Variants in NLGN1 observed in about 807,000 individuals in gnomAD.
NLGN1 encodes the protein neuroligin 1, also known as neuroligin-1.
NLGN1 carries 12 observed loss-of-function variants against 65.5 expected under a neutral mutation model. That is an observed-to-expected ratio of 0.18 (90% confidence interval 0.12 to 0.30). The LOEUF is 0.30. Ranked by LOEUF, NLGN1 falls within the 10% of genes least tolerant of loss-of-function variation. The pLI, the probability that NLGN1 is intolerant of heterozygous loss-of-function variation, is 1.00. For synonymous variants in NLGN1, 350 were observed against 359.5 expected, an observed-to-expected ratio of 0.97 and a Z score of 0.30; for missense variants, 750 against 1,007.1, an observed-to-expected ratio of 0.74 and a Z score of 3.46.
At chr3:173,824,807 G>T (rs1721008383) in intron 4 of NLGN1, among the ~76,000 whole-genome samples, 1 of 152,036 alleles carries the variant, frequency 6.6e-6, no homozygotes. Flanking sequence ...ATAGGAATAT[G>T]ATTTAGTGAC....
At chr3:173,423,066 G>A (rs778215623) in intron 1 of NLGN1, among the ~76,000 whole-genome samples, 10 of 152,140 alleles carry the variant, frequency 6.6e-5, no homozygotes, top group Non-Finnish European at 1.2e-4. Context: ...GGAGAAGCAA[G>A]GAGCTTCTCC....
At chr3:174,050,820 A>C (rs879491181) in intron 4 of NLGN1, among the ~76,000 whole-genome samples, 5 of 152,062 alleles carry the variant, frequency 3.3e-5, no homozygotes, top group African/African-American at 9.7e-5. Context: ...TAGGATTCAA[A>C]GCTATAATGG....
At chr3:173,567,554 T>G (rs1743890820) in intron 2 of NLGN1, among the ~76,000 whole-genome samples, 1 of 151,722 alleles carries the variant, frequency 6.6e-6, no homozygotes, top group Non-Finnish European at 1.5e-5. Flanking sequence ...TAGCACAAAT[T>G]TAATTTTGAA....
At chr3:174,031,799 G>T (rs1404317903) in intron 4 of NLGN1, among the ~76,000 whole-genome samples, 1 of 152,000 alleles carries the variant, frequency 6.6e-6, no homozygotes, top group Non-Finnish European at 1.5e-5. Context: ...AGAATTTAAG[G>T]ATAGGAATTT....
intron 2 of NLGN1, among the ~76,000 whole-genome samples, chr3:173,490,443 A>G (rs1728920640): frequency 6.6e-6 from 1 of 151,890 alleles, no homozygotes; most frequent in Admixed American, 6.6e-5. Context: ...GTTCTGTTCC[A>G]TTGGTCTATA....
At chr3:173,627,971 A>T (rs1290383806) in intron 3 of NLGN1, among the ~76,000 whole-genome samples, 1 of 151,766 alleles carries the variant, frequency 6.6e-6, no homozygotes, top group Non-Finnish European at 1.5e-5. Flanking sequence ...GTATTTGTCC[A>T]CTGAACTTCT....
At chr3:173,700,392 A>G (rs1342822908) in intron 3 of NLGN1, among the ~76,000 whole-genome samples, 1 of 152,218 alleles carries the variant, frequency 6.6e-6, no homozygotes, top group East Asian at 1.9e-4. Flanking sequence ...TCTCAAGGTG[A>G]GAAAAGATGT....
At chr3:173,675,887 T>TCTCTCTCACACACACA (rs756157881) in intron 3 of NLGN1, among the ~76,000 whole-genome samples, 119 of 138,628 alleles carry the variant, frequency 8.6e-4, no homozygotes, top group East Asian at 5.3e-3. Context: ...TCTCTCTCTC[T>TCTCTCTCACACACACA]CACACACACA....
intron 4 of NLGN1, among the ~76,000 whole-genome samples, chr3:174,264,904 G>GAGGA (rs1262403259): frequency 1.1e-3 from 163 of 152,090 alleles, no homozygotes; most frequent in African/African-American, 3.7e-3. Flanking sequence ...TTCTAACAGA[G>GAGGA]AGGACCCTCA....
chr3:173,673,511 G>C (rs1762727842), intron 3 of NLGN1, among the ~76,000 whole-genome samples: 2 of 152,132 alleles, frequency 1.3e-5, no homozygotes, highest in Admixed American at 6.5e-5. Flanking sequence ...TGCTTACCAT[G>C]ATTTTTGTAG....
chr3:173,899,855 C>G (rs1444545240), intron 4 of NLGN1, among the ~76,000 whole-genome samples: 3 of 152,038 alleles, frequency 2.0e-5, no homozygotes, highest in African/African-American at 7.2e-5. Context: ...AATTCCTTTT[C>G]TTTAACTTGA....
intron 2 of NLGN1, among the ~76,000 whole-genome samples, chr3:173,449,241 C>T (rs1371837674): frequency 1.3e-5 from 2 of 151,834 alleles, no homozygotes; most frequent in Non-Finnish European, 2.9e-5. Context: ...TGAATGCGTC[C>T]CAGAGATTCT....
At chr3:174,182,812 A>G (rs921182282) in intron 4 of NLGN1, among the ~76,000 whole-genome samples, 2 of 152,108 alleles carry the variant, frequency 1.3e-5, no homozygotes, top group Non-Finnish European at 2.9e-5. Context: ...CTCACTTCTC[A>G]TCTTCTCTCT....
intron 3 of NLGN1, among the ~76,000 whole-genome samples, chr3:173,630,179 G>A (rs923670698): frequency 6.6e-6 from 1 of 152,086 alleles, no homozygotes; most frequent in Non-Finnish European, 1.5e-5. Context: ...TACACAACAA[G>A]GAGAAAAGAG....
exon 6 of NLGN1, chr3:174,278,917 A>G (rs781741526): frequency 6.6e-7 from 1 of 1,514,758 alleles, no homozygotes; most frequent in Admixed American, 2.3e-5. Context: ...CTGGGCTGTT[A>G]GTTTTCAACC....
intron 4 of NLGN1, among the ~76,000 whole-genome samples, chr3:174,174,786 T>C (rs902187212): frequency 1.3e-5 from 2 of 151,996 alleles, no homozygotes; most frequent in African/African-American, 2.4e-5. Flanking sequence ...CACTTATAGC[T>C]GTAAACTCCT....
At chr3:173,783,843 G>T (rs570939915) in intron 3 of NLGN1, among the ~76,000 whole-genome samples, 1 of 152,218 alleles carries the variant, frequency 6.6e-6, no homozygotes, top group East Asian at 1.9e-4. Flanking sequence ...TCGAACTCCT[G>T]ACCTCAACTG....
chr3:173,505,212 T>A (rs2149075003), intron 2 of NLGN1, among the ~76,000 whole-genome samples: 1 of 152,192 alleles, frequency 6.6e-6, no homozygotes, highest in East Asian at 1.9e-4. Flanking sequence ...GACATCACTT[T>A]TAATTTATGA....
intron 4 of NLGN1, among the ~76,000 whole-genome samples, chr3:173,846,978 T>G (rs2150713007): frequency 6.6e-6 from 1 of 152,356 alleles, no homozygotes; most frequent in African/African-American, 2.4e-5. Flanking sequence ...AGTTAAAACA[T>G]TTTTAAAGCC....
Sources: allele counts gnomAD v4.1 joint callset (sites outside exome capture counted in the v4.1 genomes callset), GRCh38; gene constraint gnomAD v4.1.1; transcripts MANE v1.5; gene names NCBI Gene and HGNC (gene_info 2026-07-23, HGNC 2026-07-21).